Variants in PLD5 observed in about 807,000 individuals in gnomAD.
PLD5 encodes inactive phospholipase D5.
Under a neutral mutation model 61.1 loss-of-function variants are expected in PLD5, and 36 were observed. The observed-to-expected ratio is 0.59, with a 90% confidence interval of 0.45 to 0.78. The LOEUF is 0.78. PLD5 is among the 30% of genes least tolerant of loss of function. The probability of loss-of-function intolerance (pLI) is 0.00; values close to 1 mark genes in which losing one functional copy is unlikely to be tolerated. For synonymous variants in PLD5, 243 were observed against 242.8 expected (o/e 1.00, Z -0.01); for missense variants, 515 against 644.4 (o/e 0.80, Z 2.17).
chr1:242,112,501 T>C (rs900515038), intron 7 of PLD5, among the ~76,000 whole-genome samples: 4 of 152,084 alleles, frequency 2.6e-5, no homozygotes, highest in African/African-American at 9.7e-5. Flanking sequence ...ACCCAGCTAA[T>C]TTTTGTAAAG....
chr1:242,350,897 CTT>C (rs149135759), intron 1 of PLD5, among the ~76,000 whole-genome samples: 13 of 142,810 alleles, frequency 9.1e-5, no homozygotes, highest in South Asian at 2.2e-4. Flanking sequence ...CTGTTTTATT[CTT>C]TTTTTTTTTT....
At chr1:242,306,949 G>C (rs1676402045) in intron 2 of PLD5, among the ~76,000 whole-genome samples, 1 of 152,256 alleles carries the variant, frequency 6.6e-6, no homozygotes, top group Non-Finnish European at 1.5e-5. Context: ...AGGAATCAAG[G>C]AGTTAGTTAA....
At chr1:242,175,872 T>C (rs1210504289) in intron 5 of PLD5, among the ~76,000 whole-genome samples, 1 of 151,988 alleles carries the variant, frequency 6.6e-6, no homozygotes, top group Non-Finnish European at 1.5e-5. Context: ...GAATAGAACT[T>C]ACCAAGGGGT....
At chr1:242,208,771 C>T (rs1237103436) in intron 5 of PLD5, among the ~76,000 whole-genome samples, 1 of 151,554 alleles carries the variant, frequency 6.6e-6, no homozygotes, top group Non-Finnish European at 1.5e-5. Context: ...TCATCTAACC[C>T]TATCAACCTG....
intron 1 of PLD5, among the ~76,000 whole-genome samples, chr1:242,521,054 G>C (rs927541201): frequency 9.9e-5 from 15 of 152,206 alleles, no homozygotes; most frequent in African/African-American, 3.6e-4. Flanking sequence ...ACAACATTCT[G>C]TGTATGGCCA....
intron 5 of PLD5, among the ~76,000 whole-genome samples, chr1:242,209,559 C>G (rs919095064): frequency 1.3e-5 from 2 of 152,132 alleles, no homozygotes; most frequent in South Asian, 2.1e-4. Flanking sequence ...GATCAGTTAT[C>G]TTTGATGTTA....
intron 1 of PLD5, among the ~76,000 whole-genome samples, chr1:242,483,534 T>C (rs1667855943): frequency 6.6e-6 from 1 of 152,142 alleles, no homozygotes; most frequent in Non-Finnish European, 1.5e-5. Context: ...ATGCACCCAA[T>C]ACAGGAGCAC....
chr1:242,117,853 C>T (rs1159897155), intron 6 of PLD5, among the ~76,000 whole-genome samples: 4 of 152,196 alleles, frequency 2.6e-5, no homozygotes, highest in African/African-American at 9.6e-5. Flanking sequence ...TAAAAATATT[C>T]AAATTATTTA....
rs755498310 is a variant in PLD5 at position 242,288,466 on chromosome 1, A to G, written c.391T>C (p.Ser131Pro). ...AAATTCATCCAGCCTTGGAAAAGTG[A>G]TAAGTGAAATGGTGCATTTTCTGAA... Reference protein sequence around the residue: ...NYSENAPFHLSLFQGWMNLLN... With the variant: ...NYSENAPFHLPLFQGWMNLLN... The change falls in exon 3 of 10, where the codon TCA (serine) becomes CCA (proline). Residue 131 changes from serine (S) to proline (P), a missense_variant. Transcript: ENST00000536534. 34 of 1,612,484 alleles carry G rather than the reference A, an allele frequency of 2.1e-5. No individual in the cohort carries two copies. Among genetic ancestry groups the G allele is most frequent in the Non-Finnish European group, 2.9e-5 (34 of 1,179,558 alleles).
chr1:242,465,368 T>C (rs1428799415), intron 1 of PLD5, among the ~76,000 whole-genome samples: 1 of 152,246 alleles, frequency 6.6e-6, no homozygotes, highest in Non-Finnish European at 1.5e-5. Context: ...GTCTCCTTTA[T>C]TATACTCTTA....
intron 2 of PLD5, among the ~76,000 whole-genome samples, chr1:242,346,545 A>G (rs1660148293): frequency 6.6e-6 from 1 of 152,140 alleles, no homozygotes; most frequent in South Asian, 2.1e-4. Flanking sequence ...GATGACAGTA[A>G]TCTACTGTTC....
Position 242,118,774 on chromosome 1 carries a change from C to T in PLD5, c.934-4748G>A, listed in dbSNP as rs1391792228. On this transcript the variant is annotated intron_variant, in intron 6 of 9. Transcript: ENST00000536534. ...GAAATGCATAATTATTTGTATCAGT[C>T]CCCTTGCACCTGGGGGCTGAGTGGT... Among the ~76,000 whole-genome samples the T allele has an allele frequency of 2.6e-5, 4 of 152,188 alleles. No homozygotes were observed. In the South Asian group the frequency reaches 8.3e-4, roughly 31 times the overall value.
At chr1:242,522,437 T>C (rs536144430) in intron 1 of PLD5, among the ~76,000 whole-genome samples, 36 of 152,326 alleles carry the variant, frequency 2.4e-4, no homozygotes, top group African/African-American at 8.7e-4. Context: ...AGAAAGCATT[T>C]AAGTATAATG....
At chr1:242,379,090 C>T (rs1320843094) in intron 1 of PLD5, among the ~76,000 whole-genome samples, 1 of 152,136 alleles carries the variant, frequency 6.6e-6, no homozygotes, top group Non-Finnish European at 1.5e-5. Context: ...TCTGCTTCTC[C>T]TGCCTAGGAA....
chr1:242,192,622 A>C (rs1467985747), intron 5 of PLD5, among the ~76,000 whole-genome samples: 1 of 152,194 alleles, frequency 6.6e-6, no homozygotes, highest in Non-Finnish European at 1.5e-5. Flanking sequence ...GTTCCTAAGA[A>C]ACTAGACAAA....
chr1:242,154,175 G>C (rs1212605484), intron 5 of PLD5, among the ~76,000 whole-genome samples: 1 of 152,126 alleles, frequency 6.6e-6, no homozygotes, highest in Non-Finnish European at 1.5e-5. Flanking sequence ...GAATTCTTGT[G>C]ATTTTTGCAC....
intron 1 of PLD5, among the ~76,000 whole-genome samples, chr1:242,420,550 T>C (rs1489416013): frequency 1.3e-5 from 2 of 152,216 alleles, no homozygotes; most frequent in East Asian, 3.9e-4. Flanking sequence ...TGCAGCTGAA[T>C]GGCAACTTTA....
chr1:242,444,395 C>CCA (rs1411523038), intron 1 of PLD5, among the ~76,000 whole-genome samples: 1 of 151,894 alleles, frequency 6.6e-6, no homozygotes, highest in Admixed American at 6.6e-5. Context: ...TCATTCTCCT[C>CCA]CACATATTTC....
chr1:242,098,437 G>A lies in PLD5; in HGVS notation c.1354+2231C>T, dbSNP rs183421102. Among the ~76,000 whole-genome samples, 274 of 152,174 alleles carry A rather than the reference G, an allele frequency of 1.8e-3. 2 individuals carry two copies. The highest frequency in any genetic ancestry group is 6.1e-3 in the African/African-American group (254 of 41,494). On this transcript the variant is annotated intron_variant, in intron 9 of 9. Transcript: ENST00000536534. ...GATCCTTTAAGGACTTCTCTGCATCGGTTATTGTAGTTAGCCATTCATCTA... is the reference window on the plus strand; with the variant it reads ...GATCCTTTAAGGACTTCTCTGCATCAGTTATTGTAGTTAGCCATTCATCTA...
Sources: allele counts gnomAD v4.1 joint callset (sites outside exome capture counted in the v4.1 genomes callset), GRCh38; gene constraint gnomAD v4.1.1; transcripts MANE v1.5; gene names NCBI Gene and HGNC (gene_info 2026-07-23, HGNC 2026-07-21).